ESRP1: variants seen among roughly 807,000 people sequenced by gnomAD.
ESRP1 encodes epithelial splicing regulatory protein 1, also known as RNA-binding motif protein 35A.
A neutral mutation model predicts 81.7 loss-of-function variants in ESRP1; 33 were observed. The ratio of observed to expected loss-of-function variants is 0.40; its 90% CI spans 0.31 to 0.54. The LOEUF (loss-of-function observed/expected upper bound fraction) is 0.54. Among genes scored for constraint, ESRP1 ranks in the 20% least tolerant of loss-of-function variants. ESRP1 has a pLI of 0.41. For synonymous variants in ESRP1, 320 were observed against 303.3 expected, an observed-to-expected ratio of 1.06 and a Z score of -0.57; for missense variants, 672 against 833.1, an observed-to-expected ratio of 0.81 and a Z score of 2.38.
intron 4 of ESRP1, among the ~76,000 whole-genome samples, chr8:94,651,066 G>A (rs995416166): frequency 1.6e-4 from 24 of 152,168 alleles, no homozygotes; most frequent in Middle Eastern, 3.4e-3. Flanking sequence ...TATGGGAAGA[G>A]TGTCATTTTT....
chr8:94,676,928 A>G (rs4348460), intron 12 of ESRP1, among the ~76,000 whole-genome samples: 75,624 of 151,634 alleles, frequency 0.5, 20,572 homozygotes, highest in South Asian at 0.68. Context: ...CAAGGCGGGC[A>G]GATCACCCGA....
intron 4 of ESRP1, among the ~76,000 whole-genome samples, chr8:94,650,236 A>G (rs1011586219): frequency 4.2e-5 from 6 of 144,510 alleles, no homozygotes; most frequent in African/African-American, 7.6e-5. Flanking sequence ...TAGCAATAGC[A>G]TAGTATAGAA....
chr8:94,676,674 T>C (rs1364203309), intron 12 of ESRP1, among the ~76,000 whole-genome samples: 4 of 151,642 alleles, frequency 2.6e-5, no homozygotes, highest in Non-Finnish European at 4.4e-5. Flanking sequence ...TAATTTTTTG[T>C]ATTTTAGTAG....
intron 15 of ESRP1, among the ~76,000 whole-genome samples, chr8:94,697,421 CT>C (rs1240608850): frequency 2.6e-5 from 4 of 152,166 alleles, no homozygotes; most frequent in Non-Finnish European, 5.9e-5. Flanking sequence ...AACTAATCTG[CT>C]TTCTGTCTCT....
chr8:94,692,054 C>G (rs566207109), intron 13 of ESRP1, among the ~76,000 whole-genome samples: 48 of 152,198 alleles, frequency 3.2e-4, no homozygotes, highest in African/African-American at 1.1e-3. Context: ...CCGGAAGACC[C>G]ACTCATCAAT....
Position 94,641,350 on chromosome 8 carries a change from T to C in ESRP1, c.32T>C (p.Leu11Pro), listed in dbSNP as rs1480597529. Residue 11 changes from leucine (L) to proline (P), a missense_variant, in exon 1 of 16, where the codon CTT (leucine) becomes CCT (proline). Leu to Pro is a moderately conservative substitution (Grantham distance 98, BLOSUM62 -3). Coordinates refer to ENST00000433389, the MANE Select transcript of ESRP1 (RefSeq NM_017697.4). ...GCCTCTCCGGATTACTTGGTGGTGC[T>C]TTTTGGGATCACTGCTGGGGCCACC... MTASPDYLVV[L>P]FGITAGATGA... is the part of the protein sequence containing the mutation. 1 of 1,612,602 alleles carries C rather than the reference T, an allele frequency of 6.2e-7. No individual in the cohort carries two copies. Among genetic ancestry groups the C allele is most frequent in the Non-Finnish European group, 8.5e-7 (1 of 1,179,176 alleles).
chr8:94,655,065 T>TTGTGTGTG (rs1554575901), intron 4 of ESRP1, among the ~76,000 whole-genome samples: 200 of 147,634 alleles, frequency 1.4e-3, no homozygotes, highest in Non-Finnish European at 2.5e-3. Flanking sequence ...TTTGGGTTTT[T>TTGTGTGTG]TGTGTGTGTG....
intron 9 of ESRP1, among the ~76,000 whole-genome samples, chr8:94,666,716 C>T (rs143629430): frequency 6.6e-6 from 1 of 152,312 alleles, no homozygotes; most frequent in Admixed American, 6.5e-5. Context: ...AAATTCAGGA[C>T]TTCAAATTTA....
Position 94,668,215 on chromosome 8 carries a change from G to A in ESRP1, c.1198G>A (p.Glu400Lys). 6.2e-7 allele frequency: 1 copy of A among 1,609,950 alleles called. No homozygotes were observed. The highest frequency in any genetic ancestry group is 8.5e-7 in the Non-Finnish European group (1 of 1,177,058). ...HKDLLGKRYI[E>K]LFRSTAAEVQ... ...AGACTTGTTGGGTAAAAGATACATT[G>A]AACTCTTCAGGAGCACAGCAGCTGA... The change falls in exon 10 of 16, where the codon GAA becomes AAA. Residue 400 changes from glutamate (E) to lysine (K), a missense_variant. Glu to Lys is a moderately conservative substitution (Grantham distance 56, BLOSUM62 1). Coordinates refer to ENST00000433389, the MANE Select transcript of ESRP1 (RefSeq NM_017697.4).
chr8:94,653,949 G>C (rs757184492), intron 4 of ESRP1, among the ~76,000 whole-genome samples: 2 of 152,238 alleles, frequency 1.3e-5, no homozygotes, highest in Non-Finnish European at 2.9e-5. Flanking sequence ...TCTGCAGTGA[G>C]TGAAGTGACT....
intron 14 of ESRP1, among the ~76,000 whole-genome samples, chr8:94,694,175 A>T (rs968489730): frequency 6.6e-6 from 1 of 152,218 alleles, no homozygotes; most frequent in East Asian, 1.9e-4. Context: ...GTTCAAAGAA[A>T]GTTTCAGGTT....
chr8:94,694,519 G>A (rs763173020), intron 14 of ESRP1, among the ~76,000 whole-genome samples: 24 of 152,262 alleles, frequency 1.6e-4, no homozygotes, highest in Admixed American at 2.6e-4. Flanking sequence ...CAGGAGAATC[G>A]CTTCAACCCA....
intron 13 of ESRP1, chr8:94,688,452 A>G (rs1448097517): frequency 7.5e-6 from 2 of 266,912 alleles, no homozygotes; most frequent in East Asian, 1.0e-4. Flanking sequence ...GATCATCCTC[A>G]GATTTCACGT....
At chr8:94,645,090 G>A (rs1005289424) in intron 3 of ESRP1, among the ~76,000 whole-genome samples, 1 of 152,074 alleles carries the variant, frequency 6.6e-6, no homozygotes, top group Non-Finnish European at 1.5e-5. Flanking sequence ...CTTACAAATA[G>A]CTTTTAAATG....
rs201335580 is a variant in ESRP1, at chr8:94,674,390, A to C, written c.1535A>C (p.Asn512Thr). The C allele has an allele frequency of 4.0e-5, 65 of 1,613,908 alleles. No individual in the cohort carries two copies. The East Asian group carries it at 7.8e-4, about 19-fold the overall frequency. ...GCTGCACAGAAGTGTCATAAAAAAA[A>C]CATGAAGGACAGATATGTTGAAGTC... The part of the protein sequence containing the change: ...FMAAQKCHKK[N>T]MKDRYVEVFQ... Residue 512 changes from asparagine (N) to threonine (T), a missense_variant, in exon 12 of 16, where the codon AAC becomes ACC. By Grantham distance (65) the Asn-to-Thr change is moderately conservative. Coordinates refer to ENST00000433389, the MANE Select transcript of ESRP1 (RefSeq NM_017697.4).
At chr8:94,652,807 C>T (rs950579777) in intron 4 of ESRP1, among the ~76,000 whole-genome samples, 1 of 152,136 alleles carries the variant, frequency 6.6e-6, no homozygotes, top group Non-Finnish European at 1.5e-5. Context: ...ACTACATATG[C>T]CATGAACGGC....
intron 13 of ESRP1, 68 bp from the exon 14 acceptor site, chr8:94,692,609 A>G: frequency 1.3e-6 from 2 of 1,508,288 alleles, no homozygotes; most frequent in Non-Finnish European, 1.8e-6. Flanking sequence ...TTAAGTAACT[A>G]ATGTTTTTAT....
chr8:94,656,382 C>A (rs1818425230), intron 4 of ESRP1, among the ~76,000 whole-genome samples: 1 of 151,638 alleles, frequency 6.6e-6, no homozygotes, highest in African/African-American at 2.4e-5. Flanking sequence ...CCACGCCCGG[C>A]TAATTTTTTG....
intron 9 of ESRP1, 111 bp downstream of exon 9, chr8:94,665,307 A>G (rs1415697693): frequency 3.8e-6 from 4 of 1,051,358 alleles, no homozygotes; most frequent in African/African-American, 3.2e-5. Flanking sequence ...TTATTTTCTA[A>G]TGGAACATGG....
Sources: gnomAD v4.1 joint callset for allele counts (sites outside exome capture counted in the v4.1 genomes callset) on GRCh38, gnomAD v4.1.1 for gene constraint, MANE v1.5 for transcripts, NCBI Gene and HGNC (gene_info 2026-07-23, HGNC 2026-07-21) for gene names.